The following WASF3 variants were observed in gnomAD, a reference collection of about 807,000 sequenced individuals.
WASF3 encodes the protein actin-binding protein WASF3.
Under a neutral mutation model 46.6 loss-of-function variants are expected in WASF3, and 11 were observed. The observed-to-expected ratio is 0.24, with a 90% confidence interval of 0.15 to 0.39. WASF3 has a LOEUF of 0.39. Ranked by LOEUF, WASF3 falls within the 10% of genes least tolerant of loss-of-function variation. WASF3 has a pLI of 1.00. For missense variants in WASF3, 576 were observed against 669.8 expected (o/e 0.86, Z 1.55); for synonymous variants, 242 against 259.7 (o/e 0.93, Z 0.65).
chr13:26,562,857 T>TCCCCTCCCCTCC (rs1879337776), intron 1 of WASF3, among the ~76,000 whole-genome samples: 1 of 96,750 alleles, frequency 1.0e-5, no homozygotes, highest in Non-Finnish European at 2.0e-5. Flanking sequence ...CCCTCCCCTC[T>TCCCCTCCCCTCC]CCTCCCCTCC....
chr13:26,642,049 T>C (rs1167777811), intron 2 of WASF3: 1 of 330,256 alleles, frequency 3.0e-6, no homozygotes, highest in Non-Finnish European at 5.3e-6. Context: ...ATTATTTTTC[T>C]ATGAAGTGAG....
chr13:26,618,108 C>T (rs1287540687), intron 2 of WASF3, among the ~76,000 whole-genome samples: 2 of 152,138 alleles, frequency 1.3e-5, no homozygotes, highest in Non-Finnish European at 2.9e-5. Context: ...AAGTCTTAGC[C>T]ATTAATAGTG....
intron 8 of WASF3, 23 bp downstream of exon 8, chr13:26,681,343 C>T (rs1367095411): frequency 1.3e-6 from 2 of 1,541,628 alleles, no homozygotes; most frequent in African/African-American, 1.4e-5. Context: ...GCCTTGTACC[C>T]TAATCCCTCC....
At chr13:26,660,310 AG>A (rs960809528) in intron 3 of WASF3, among the ~76,000 whole-genome samples, 4 of 132,556 alleles carry the variant, frequency 3.0e-5, no homozygotes, top group African/African-American at 1.1e-4. Context: ...GAGTCTGGGG[AG>A]GGAGGAAGCA....
At chr13:26,568,667 T>C (rs1229324894) in intron 1 of WASF3, among the ~76,000 whole-genome samples, 2 of 152,140 alleles carry the variant, frequency 1.3e-5, no homozygotes, top group Admixed American at 1.3e-4. Context: ...AGCATTGTGT[T>C]AGAGTGATGT....
Position 26,679,003 on chromosome 13 carries a change from C to T in WASF3, c.717-2051C>T, listed in dbSNP as rs1883147831. Among the ~76,000 whole-genome samples the T allele has an allele frequency of 2.6e-5, 4 of 151,640 alleles. No individual in the cohort carries two copies. Among genetic ancestry groups the T allele is most frequent in the African/African-American group, 4.8e-5 (2 of 41,240 alleles). On this transcript the variant is annotated intron_variant, in intron 7 of 9. Transcript: ENST00000335327. The surrounding 1 kb of genome is among the most constrained non-coding windows in gnomAD (Gnocchi z 4.8). The stretch of plus-strand genomic sequence containing the variant: ...CTCCAGCCCTCCCAGCCCTCTTCCT[C>T]CTCCTCCCGTGTCGGTGTCATCTCC...
At chr13:26,546,430 G>A in the WASF3 span, among the ~76,000 whole-genome samples, 3 of 152,148 alleles carry the variant, frequency 2.0e-5, no homozygotes, top group African/African-American at 7.2e-5. Flanking sequence ...GACTGGGTGC[G>A]GTGGCTCACG....
chr13:26,633,504 G>C (rs1286644660), intron 2 of WASF3, among the ~76,000 whole-genome samples: 1 of 152,012 alleles, frequency 6.6e-6, no homozygotes, highest in Non-Finnish European at 1.5e-5. Context: ...ACAGCCGGCC[G>C]ATCTTAGTTA....
At chr13:26,621,046 T>A (rs1047922103) in intron 2 of WASF3, among the ~76,000 whole-genome samples, 2 of 152,142 alleles carry the variant, frequency 1.3e-5, no homozygotes, top group African/African-American at 2.4e-5. Context: ...TCCTCAAACG[T>A]CTGTTGAATA....
At chr13:26,577,002 C>G (rs1879817638) in intron 1 of WASF3, 1 of 712,484 alleles carries the variant, frequency 1.4e-6, no homozygotes, top group African/African-American at 1.7e-5. Context: ...CTTCTGTGTT[C>G]AATATAAGGA....
intron 1 of WASF3, among the ~76,000 whole-genome samples, chr13:26,592,498 G>C (rs1402976276): frequency 6.6e-6 from 1 of 152,144 alleles, no homozygotes; most frequent in East Asian, 1.9e-4. Context: ...CCATCTTTCT[G>C]GTTTACCTGC....
At chr13:26,630,977 C>T (rs1035907253) in intron 2 of WASF3, among the ~76,000 whole-genome samples, 3 of 152,182 alleles carry the variant, frequency 2.0e-5, no homozygotes, top group African/African-American at 4.8e-5. Flanking sequence ...AGTGTCTGTT[C>T]ATATCCTTTG....
At chr13:26,633,200 C>CTTTTTTTTTTT (rs58237286) in intron 2 of WASF3, among the ~76,000 whole-genome samples, 8,410 of 90,194 alleles carry the variant, frequency 0.093, 1,371 homozygotes, top group Non-Finnish European at 0.13. Context: ...TTAGTTATTT[C>CTTTTTTTTTTT]TTTTTTTTTT....
At chr13:26,595,539 A>T (rs149128266) in intron 1 of WASF3, among the ~76,000 whole-genome samples, 3 of 152,096 alleles carry the variant, frequency 2.0e-5, no homozygotes, top group Admixed American at 6.5e-5. Flanking sequence ...TGTGTGTGTG[A>T]GTGTGTAAAG....
At chr13:26,551,895 C>T in the WASF3 span, among the ~76,000 whole-genome samples, 1 of 152,000 alleles carries the variant, frequency 6.6e-6, no homozygotes, top group East Asian at 1.9e-4. Flanking sequence ...TTAAAAATTG[C>T]TCATAAAATA....
At chr13:26,657,614 T>C (rs1440143278) in intron 3 of WASF3, among the ~76,000 whole-genome samples, 1 of 152,238 alleles carries the variant, frequency 6.6e-6, no homozygotes, top group African/African-American at 2.4e-5. Context: ...CTCAACCTGA[T>C]GTATTTGGAC....
intron 1 of WASF3, among the ~76,000 whole-genome samples, chr13:26,582,115 C>A (rs946115863): frequency 5.9e-5 from 9 of 152,130 alleles, no homozygotes; most frequent in African/African-American, 2.2e-4. Context: ...TTTTTCACTT[C>A]CAATAAATGT....
At chr13:26,665,690 C>T (rs1032732548) in intron 4 of WASF3, among the ~76,000 whole-genome samples, 13 of 152,260 alleles carry the variant, frequency 8.5e-5, no homozygotes, top group Middle Eastern at 6.8e-3. Context: ...ATGTTAATGT[C>T]GACAAGCATT....
rs992156805 is a variant in WASF3, at chr13:26,639,308, A to G, written c.-10-2953A>G. On this transcript the variant is annotated intron_variant, in intron 2 of 9. Transcript: ENST00000335327. ...AATAGAGGTTTAATGAACATGAGAA[A>G]TGAAGGCTGGGGATTAATTAGTCAA... is the stretch of plus-strand genomic sequence containing the variant. 3.3e-5 allele frequency among the ~76,000 whole-genome samples: 5 copies of G among 152,214 alleles called. No homozygotes were observed. The South Asian group carries it at 8.3e-4, about 25-fold the overall frequency.
Sources: gnomAD v4.1 joint callset for allele counts (sites outside exome capture counted in the v4.1 genomes callset) on GRCh38, gnomAD v4.1.1 for gene constraint, Gnocchi (gnomAD v3.1) non-coding constraint, MANE v1.5 for transcripts, NCBI Gene and HGNC (gene_info 2026-07-23, HGNC 2026-07-21) for gene names.